Variants in SSC5D observed in about 807,000 individuals in gnomAD.
The protein encoded by SSC5D is scavenger receptor cysteine rich family member with 5 domains.
A neutral mutation model predicts 104.6 loss-of-function variants in SSC5D; 106 were observed. The ratio of observed to expected loss-of-function variants is 1.01; its 90% confidence interval spans 0.87 to 1.19. The LOEUF (loss-of-function observed/expected upper bound fraction) is 1.19, where lower values mean the gene tolerates loss of function less well. Ranked by LOEUF, SSC5D falls within the 50% of genes most tolerant of loss-of-function variation. The probability of loss-of-function intolerance (pLI) is 0.00; values close to 1 mark genes in which losing one functional copy is unlikely to be tolerated. For missense variants in SSC5D, 1,993 were observed against 2,153.8 expected (o/e 0.93, Z 1.48); for synonymous variants, 860 against 883.5 (o/e 0.97, Z 0.47).
Position 55,490,411 on chromosome 19 carries a change from A to T in SSC5D, c.586+3A>T. On this transcript the variant is annotated splice_donor_region_variant and intron_variant, in intron 5 of 13. Transcript: ENST00000389623. ...GACGACAGGAGCCCCCCGCCAAGGT[A>T]AGCTCCCTGCAGGCTCCCCCGACCC... 8.0e-7 allele frequency: 1 copy of T among 1,247,518 alleles called. No individual in the cohort carries two copies. The highest frequency in any genetic ancestry group is 1.1e-6 in the Non-Finnish European group (1 of 898,858). The allele number at this position is 1,247,518 out of a possible 1,614,324, so 77.3% of individuals were successfully genotyped here.
At chr19:55,509,422 C>T (rs988374331) in intron 12 of SSC5D, among the ~76,000 whole-genome samples, 2 of 152,110 alleles carry the variant, frequency 1.3e-5, no homozygotes, top group Non-Finnish European at 2.9e-5. Flanking sequence ...TTCACTGAAG[C>T]CATATTTGTG....
At chr19:55,512,607 G>A (rs1041406596) in intron 12 of SSC5D, among the ~76,000 whole-genome samples, 6 of 151,660 alleles carry the variant, frequency 4.0e-5, no homozygotes, top group South Asian at 2.1e-4. Flanking sequence ...TCAGCCTCCC[G>A]AGTAGCTGGG....
At chr19:55,515,727 G>A (rs4801327) in intron 13 of SSC5D, among the ~76,000 whole-genome samples, 4 of 68,380 alleles carry the variant, frequency 5.8e-5, no homozygotes, top group Admixed American at 1.5e-4. Flanking sequence ...GTGAGACTCC[G>A]TCTCAAAAAA....
Position 55,493,586 on chromosome 19 carries a change from A to C in SSC5D, c.896-9A>C. ...TTCCTGGCCCTGTGCTCCCTCTCCC[A>C]CTATCCAGGCCCAGCACCTCGGCTG... is the stretch of plus-strand genomic sequence containing the variant. On this transcript the variant is annotated splice_polypyrimidine_tract_variant and intron_variant, in intron 6 of 13. Transcript: ENST00000389623. The C allele has an allele frequency of 7.0e-7, 1 of 1,427,450 alleles. No individual in the cohort carries two copies. Among genetic ancestry groups the C allele is most frequent in the Non-Finnish European group, 9.1e-7 (1 of 1,103,852 alleles). 88.4% of individuals were successfully genotyped at this position (1,427,450 alleles called of 1,614,324 possible).
intron 12 of SSC5D, among the ~76,000 whole-genome samples, chr19:55,506,352 T>C (rs924782401): frequency 2.0e-5 from 3 of 147,600 alleles, no homozygotes; most frequent in Admixed American, 2.0e-4. Flanking sequence ...GGAGATGAGA[T>C]TGGAGGCCTG....
At chr19:55,513,444 G>T (rs1207621611) in intron 13 of SSC5D, among the ~76,000 whole-genome samples, 1 of 152,150 alleles carries the variant, frequency 6.6e-6, no homozygotes, top group Non-Finnish European at 1.5e-5. Flanking sequence ...GCTGGGTGTG[G>T]TGGTACGCAC....
intron 9 of SSC5D, among the ~76,000 whole-genome samples, chr19:55,498,862 C>T (rs577865500): frequency 2.0e-5 from 3 of 152,198 alleles, no homozygotes; most frequent in Non-Finnish European, 2.9e-5. Context: ...TCAGCGTTAT[C>T]GTTTATCACA....
chr19:55,493,991 G>GGGGGT (rs1277559229), intron 7 of SSC5D, 79 bp downstream of exon 7: 4 of 300,928 alleles, frequency 1.3e-5, no homozygotes, highest in Non-Finnish European at 2.7e-5. Flanking sequence ...CGGGGGCGGG[G>GGGGGT]GGGTCCCTAC....
chr19:55,516,224 G>A (rs997037251), intron 13 of SSC5D, among the ~76,000 whole-genome samples: 2 of 151,746 alleles, frequency 1.3e-5, no homozygotes, highest in African/African-American at 2.4e-5. Flanking sequence ...AAGGCCGGGC[G>A]CGATGGCTCA....
chr19:55,517,501 C>T lies in SSC5D; in HGVS notation c.3225C>T (p.Asp1075=), dbSNP rs1987900049. The T allele has an allele frequency of 6.4e-7, 1 of 1,551,392 alleles. No individual in the cohort carries two copies. Among genetic ancestry groups the T allele is most frequent in the Non-Finnish European group, 8.7e-7 (1 of 1,147,006 alleles). Residue 1075 remains aspartate, a synonymous_variant, in exon 14 of 14, where the codon GAC becomes GAT. Transcript: ENST00000389623. ...CTGACTTTGCTTTGTCCACCCCTGA[C>T]TCCAGTGTGGTTCCCGCGTTGACCC... ...TSPDFALSTP[D]SSVVPALTPE...
At chr19:55,498,314 T>G in intron 9 of SSC5D, 117 bp downstream of exon 9, 1 of 1,056,770 alleles carries the variant, frequency 9.5e-7, no homozygotes, top group Non-Finnish European at 1.4e-6. Flanking sequence ...GTGCTGGGTG[T>G]TTTTGCACAT....
At chr19:55,499,748 G>A in intron 9 of SSC5D, 68 bp from the exon 10 acceptor site, 5 of 1,239,486 alleles carry the variant, frequency 4.0e-6, no homozygotes, top group Non-Finnish European at 5.6e-6. Context: ...AGAGAAGGAG[G>A]GGCCTGGGTA....
intron 7 of SSC5D, 82 bp downstream of exon 7, chr19:55,493,994 G>GGGGGGGT: frequency 6.3e-5 from 9 of 143,314 alleles, no homozygotes; most frequent in South Asian, 3.9e-4. Flanking sequence ...GGGCGGGGGG[G>GGGGGGGT]TCCCTACGCG....
In SSC5D at chr19:55,513,934, T is replaced by C. The variant is rs569924203; in HGVS notation, c.2947+762T>C. ...AGAAAAGGAAGCCCAAATGGCTGAG[T>C]GTATTTAGAAATGCCCACGCTCATC... On this transcript the variant is annotated intron_variant, in intron 13 of 13. Coordinates refer to ENST00000389623, the MANE Select transcript of SSC5D (RefSeq NM_001144950.2). 1.1e-4 allele frequency among the ~76,000 whole-genome samples: 16 copies of C among 152,074 alleles called. 1 individual carries two copies. The South Asian group carries it at 3.1e-3, about 30-fold the overall frequency.
chr19:55,494,868 T>G, intron 8 of SSC5D, 85 bp downstream of exon 8: 3 of 1,405,762 alleles, frequency 2.1e-6, no homozygotes, highest in Non-Finnish European at 2.8e-6. Context: ...ATGGGGGGCC[T>G]CTTGCAAAGA....
intron 13 of SSC5D, among the ~76,000 whole-genome samples, chr19:55,514,697 C>T (rs1191168771): frequency 6.6e-6 from 1 of 151,842 alleles, no homozygotes; most frequent in African/African-American, 2.4e-5. Flanking sequence ...ATAATTTTGC[C>T]CATTTCTCAG....
intron 12 of SSC5D, among the ~76,000 whole-genome samples, chr19:55,507,362 A>AG (rs1308682129): frequency 0.021 from 3,007 of 144,474 alleles, 151 homozygotes; most frequent in African/African-American, 0.076. Context: ...AAAAAAAAAA[A>AG]GGATGGTTAA....
chr19:55,505,103 A>G (rs1987610763), intron 12 of SSC5D, among the ~76,000 whole-genome samples: 1 of 151,678 alleles, frequency 6.6e-6, no homozygotes, highest in Admixed American at 6.6e-5. Flanking sequence ...TCCAACCCGG[A>G]TTAGAACTAG....
chr19:55,489,875 GC>G lies in SSC5D; in HGVS notation c.362-5del, dbSNP rs1568473461. Reference sequence around the variant, plus strand: ...TCATAGCTTCTGTCCCTGCCCCCCCGCCGCAGGTCAGCGTGTGGCTAACTCC... The same window carrying G: ...TCATAGCTTCTGTCCCTGCCCCCCCGCGCAGGTCAGCGTGTGGCTAACTCC... On this transcript the variant is annotated splice_region_variant and splice_polypyrimidine_tract_variant and intron_variant, in intron 3 of 13. Transcript: ENST00000389623. 6.5e-7 allele frequency: 1 copy of G among 1,540,262 alleles called. No individual in the cohort carries two copies. Among genetic ancestry groups the G allele is most frequent in the Non-Finnish European group, 8.8e-7 (1 of 1,140,992 alleles).
Sources: gnomAD v4.1 joint callset for allele counts (sites outside exome capture counted in the v4.1 genomes callset) on GRCh38, gnomAD v4.1.1 for gene constraint, MANE v1.5 for transcripts, NCBI Gene and HGNC (gene_info 2026-07-23, HGNC 2026-07-21) for gene names.